The following MIS18A variants were observed in gnomAD, a reference collection of about 807,000 sequenced individuals.
MIS18A encodes the protein MIS18 kinetochore protein A.
In MIS18A, 14 loss-of-function variants were observed where a neutral mutation model predicts 25.0. The observed-to-expected ratio is 0.56, with a 90% confidence interval of 0.37 to 0.88. The LOEUF is 0.88. Among genes scored for constraint, MIS18A ranks in the 40% least tolerant of loss-of-function variants. The pLI is 0.00. For synonymous variants in MIS18A, 134 were observed against 118.6 expected (o/e 1.13, Z -0.84); for missense variants, 292 against 290.8 (o/e 1.00, Z -0.03).
chr21:32,236,607 T>C, the MIS18A span, among the ~76,000 whole-genome samples: 11 of 152,190 alleles, frequency 7.2e-5, no homozygotes, highest in East Asian at 1.3e-3. Flanking sequence ...ATCACTCTTG[T>C]CTGGTGAGTC....
At chr21:32,158,372 G>T in the MIS18A span, among the ~76,000 whole-genome samples, 1 of 151,864 alleles carries the variant, frequency 6.6e-6, no homozygotes, top group African/African-American at 2.4e-5. Context: ...TTGAAAAAAA[G>T]TCAATATTTG....
chr21:32,180,529 C>A, the MIS18A span, among the ~76,000 whole-genome samples: 1 of 152,244 alleles, frequency 6.6e-6, no homozygotes, highest in Non-Finnish European at 1.5e-5. Context: ...TTCACTATCA[C>A]AGCTGCAATA....
the MIS18A span, among the ~76,000 whole-genome samples, chr21:32,176,345 T>C: frequency 6.6e-6 from 1 of 152,164 alleles, no homozygotes; most frequent in African/African-American, 2.4e-5. Flanking sequence ...ATGACATCAC[T>C]AGGTGATAGG....
At chr21:32,156,905 G>A in the MIS18A span, among the ~76,000 whole-genome samples, 1 of 152,016 alleles carries the variant, frequency 6.6e-6, no homozygotes, top group East Asian at 1.9e-4. Context: ...AGTCCAACAT[G>A]GCTTGCATAT....
chr21:32,172,078 A>AG, the MIS18A span, among the ~76,000 whole-genome samples: 1 of 152,092 alleles, frequency 6.6e-6, no homozygotes, highest in Admixed American at 6.6e-5. Flanking sequence ...TACAAATTAA[A>AG]GCCACAAGGA....
the MIS18A span, chr21:32,156,452 T>C: frequency 6.6e-6 from 1 of 152,172 alleles, no homozygotes; most frequent in African/African-American, 2.4e-5. Flanking sequence ...CAAAAGGCTA[T>C]GCAGTGGAGG....
chr21:32,267,067 G>C (rs1468665206), downstream of MIS18A, among the ~76,000 whole-genome samples: 1 of 152,202 alleles, frequency 6.6e-6, no homozygotes, highest in Non-Finnish European at 1.5e-5. Context: ...GCCCAGGACA[G>C]GGTGGCCCAC....
Position 32,278,754 on chromosome 21 carries a change from G to C in MIS18A, c.261C>G (p.Gly87=), listed in dbSNP as rs577362801. 21 of 1,577,880 alleles carry C rather than the reference G, an allele frequency of 1.3e-5. No homozygotes were observed. In the East Asian group the frequency reaches 4.6e-4, roughly 34 times the overall value. The change falls in exon 1 of 5, where the codon GGC becomes GGG. Residue 87 remains glycine (G), a synonymous_variant. Transcript: ENST00000290130. Reference sequence around the variant, plus strand: ...GCGAGTCGCCCAGCGGCCGCCGGCAGCCGGAGCACAGGAACACCAGCGGCC... The same window carrying C: ...GCGAGTCGCCCAGCGGCCGCCGGCACCCGGAGCACAGGAACACCAGCGGCC... ...EERPLVFLCS[G]CRRPLGDSLS... is the part of the protein sequence containing the mutation.
chr21:32,217,837 C>A, the MIS18A span, among the ~76,000 whole-genome samples: 2 of 152,044 alleles, frequency 1.3e-5, no homozygotes, highest in South Asian at 2.1e-4. Flanking sequence ...AAAACACTAT[C>A]AACCAATAAT....
the MIS18A span, among the ~76,000 whole-genome samples, chr21:32,158,771 G>A: frequency 2.6e-5 from 4 of 152,002 alleles, no homozygotes; most frequent in African/African-American, 9.7e-5. Flanking sequence ...CACCACACCC[G>A]GCCTGATTTC....
At chr21:32,250,687 CT>C in the MIS18A span, among the ~76,000 whole-genome samples, 1 of 152,230 alleles carries the variant, frequency 6.6e-6, no homozygotes, top group African/African-American at 2.4e-5. Flanking sequence ...TCTAGACGCC[CT>C]TGGCCAGGCC....
At chr21:32,220,854 A>C in the MIS18A span, among the ~76,000 whole-genome samples, 36 of 152,062 alleles carry the variant, frequency 2.4e-4, no homozygotes, top group African/African-American at 8.7e-4. Flanking sequence ...CAATAGCTGA[A>C]TCGATCAAGC....
the MIS18A span, among the ~76,000 whole-genome samples, chr21:32,162,050 AATGC>A: frequency 6.6e-6 from 1 of 151,958 alleles, no homozygotes; most frequent in Non-Finnish European, 1.5e-5. Flanking sequence ...CATTTCAAGG[AATGC>A]ATTATTATCC....
chr21:32,243,568 G>A, the MIS18A span, among the ~76,000 whole-genome samples: 23 of 152,302 alleles, frequency 1.5e-4, no homozygotes, highest in Non-Finnish European at 2.5e-4. Context: ...AAGTGCCGGT[G>A]AGGATGCAGA....
At chr21:32,228,686 TA>T in the MIS18A span, among the ~76,000 whole-genome samples, 360 of 152,242 alleles carry the variant, frequency 2.4e-3, 1 homozygote, top group Admixed American at 5.0e-3. Context: ...AAAAGATTAA[TA>T]AACAAAGCTC....
At chr21:32,250,712 C>T in the MIS18A span, among the ~76,000 whole-genome samples, 1 of 152,180 alleles carries the variant, frequency 6.6e-6, no homozygotes, top group South Asian at 2.1e-4. Flanking sequence ...CTGGCAAAAC[C>T]CTTGGACAGC....
the MIS18A span, among the ~76,000 whole-genome samples, chr21:32,209,487 T>C: frequency 6.6e-6 from 1 of 152,222 alleles, no homozygotes; most frequent in African/African-American, 2.4e-5. Flanking sequence ...TGTGAAGCAT[T>C]AGGTTGGTGC....
At chr21:32,264,660 C>A (rs2031560769), downstream of MIS18A, among the ~76,000 whole-genome samples, 1 of 152,156 alleles carries the variant, frequency 6.6e-6, no homozygotes, top group Non-Finnish European at 1.5e-5. Context: ...CTGGTTGCTA[C>A]CCCCAAGACC....
chr21:32,203,613 CTT>C, the MIS18A span, among the ~76,000 whole-genome samples: 319 of 85,334 alleles, frequency 3.7e-3, 1 homozygote, highest in African/African-American at 0.013. Context: ...TTTTTAAATG[CTT>C]TTTTTTTTTT....
Sources: gnomAD v4.1 joint callset for allele counts (sites outside exome capture counted in the v4.1 genomes callset) on GRCh38, gnomAD v4.1.1 for gene constraint, MANE v1.5 for transcripts, NCBI Gene and HGNC (gene_info 2026-07-23, HGNC 2026-07-21) for gene names.